SEMA3C: variants seen among roughly 807,000 people sequenced by gnomAD.
SEMA3C encodes the protein semaphorin-3C.
A neutral mutation model predicts 89.4 loss-of-function variants in SEMA3C; 47 were observed. The ratio of observed to expected loss-of-function variants is 0.53; its 90% CI spans 0.42 to 0.67. The LOEUF (loss-of-function observed/expected upper bound fraction) is 0.67, where lower values mean the gene tolerates loss of function less well. SEMA3C is among the 30% of genes least tolerant of loss of function. The pLI, the probability that SEMA3C is intolerant of heterozygous loss-of-function variation, is 0.00. For synonymous variants in SEMA3C, 310 were observed against 320.2 expected, an observed-to-expected ratio of 0.97 and a Z score of 0.34; for missense variants, 839 against 929.1, an observed-to-expected ratio of 0.90 and a Z score of 1.26.
At chr7:80,904,641 A>T (rs1562978799) in intron 2 of SEMA3C, among the ~76,000 whole-genome samples, 1 of 152,194 alleles carries the variant, frequency 6.6e-6, no homozygotes, top group African/African-American at 2.4e-5. Context: ...CACTAGATTG[A>T]ATAGTGTTCT....
At chr7:80,893,532 C>T (rs1336481045) in intron 2 of SEMA3C, among the ~76,000 whole-genome samples, 1 of 152,002 alleles carries the variant, frequency 6.6e-6, no homozygotes, top group African/African-American at 2.4e-5. Context: ...TCATCATCTC[C>T]TTATGGGATT....
rs77165677 is a variant in SEMA3C, at chr7:80,756,223, G to A, written c.1643+2108C>T. On this transcript the variant is annotated intron_variant, in intron 15 of 17. Coordinates refer to ENST00000265361, the MANE Select transcript of SEMA3C (RefSeq NM_006379.5). ...AAGTGACATCTACATAAATCCTAAT[G>A]TTCAGTTCTGACAACTTGGATCATT... is the stretch of plus-strand genomic sequence containing the variant. 0.018 allele frequency among the ~76,000 whole-genome samples: 2,707 copies of A among 152,172 alleles called. 235 individuals carry two copies. The East Asian group carries it at 0.26, about 14-fold the overall frequency.
chr7:80,820,335 C>T (rs1361199567), intron 4 of SEMA3C, among the ~76,000 whole-genome samples: 2 of 152,068 alleles, frequency 1.3e-5, no homozygotes, highest in African/African-American at 2.4e-5. Flanking sequence ...GCTGGGATTA[C>T]AGGTGTGAGC....
intron 5 of SEMA3C, chr7:80,815,972 C>A (rs939366245): frequency 1.3e-5 from 2 of 152,192 alleles, no homozygotes; most frequent in Admixed American, 6.5e-5. Context: ...TTTATTCATT[C>A]ATTTAAAGTC....
intron 13 of SEMA3C, among the ~76,000 whole-genome samples, chr7:80,762,548 G>C (rs1391089270): frequency 1.3e-5 from 2 of 152,224 alleles, no homozygotes; most frequent in Non-Finnish European, 2.9e-5. Flanking sequence ...GTGGGGTGCA[G>C]TGGCTCACGC....
chr7:80,921,606 A>AG (rs1413346519), upstream of SEMA3C, among the ~76,000 whole-genome samples: 2 of 152,212 alleles, frequency 1.3e-5, no homozygotes, highest in Admixed American at 6.5e-5. Flanking sequence ...GTTTTCGGTA[A>AG]GGGGGACACT....
intron 2 of SEMA3C, among the ~76,000 whole-genome samples, chr7:80,865,278 A>C (rs1478018484): frequency 2.0e-5 from 3 of 152,194 alleles, no homozygotes; most frequent in South Asian, 2.1e-4. Context: ...CTTTTTTTTA[A>C]AGCTTCACTC....
chr7:80,746,375 ATT>A (rs1787799769), intron 17 of SEMA3C, among the ~76,000 whole-genome samples: 1 of 152,130 alleles, frequency 6.6e-6, no homozygotes, highest in Non-Finnish European at 1.5e-5. Flanking sequence ...ACATTAATTA[ATT>A]TTACTAAGTT....
At chr7:80,869,323 A>C (rs865785338) in intron 2 of SEMA3C, among the ~76,000 whole-genome samples, 5 of 152,226 alleles carry the variant, frequency 3.3e-5, no homozygotes, top group Admixed American at 6.5e-5. Context: ...TCTCATTACA[A>C]GACAAGCAGG....
In SEMA3C at chr7:80,802,627, T is replaced by C. The variant is rs1175223077; in HGVS notation, c.916+38A>G. Reference sequence around the variant, plus strand: ...TTTAAATATATAAACTTTACAAGCCTTCTTTCAGAAGCATTTTTCAATCTC... The same window carrying C: ...TTTAAATATATAAACTTTACAAGCCCTCTTTCAGAAGCATTTTTCAATCTC... On this transcript the variant is annotated intron_variant, in intron 9 of 17. Transcript: ENST00000265361. 4.3e-6 allele frequency: 6 copies of C among 1,401,572 alleles called. No individual in the cohort carries two copies. In the South Asian group the frequency reaches 7.1e-5, roughly 17 times the overall value. 86.8% of individuals were successfully genotyped at this position (1,401,572 alleles called of 1,614,324 possible).
chr7:80,802,842 T>C lies in SEMA3C; in HGVS notation c.802-63A>G, dbSNP rs969862756. 1.3e-5 allele frequency: 16 copies of C among 1,257,790 alleles called. No homozygotes were observed. The African/African-American group carries it at 2.4e-4, about 18-fold the overall frequency. 77.9% of individuals were successfully genotyped at this position (1,257,790 alleles called of 1,614,324 possible). A position where few individuals can be genotyped will look rare whatever the true frequency, so the allele number is the denominator to read the frequency against. Reference sequence around the variant, plus strand: ...GTAAATATTGAAGCACATTAAAAATTCGACTTGTACTCTAGTTGCTTGGAG... The same window carrying C: ...GTAAATATTGAAGCACATTAAAAATCCGACTTGTACTCTAGTTGCTTGGAG... On this transcript the variant is annotated intron_variant, in intron 8 of 17. Transcript: ENST00000265361.
chr7:80,759,428 C>T (rs1327514429), intron 14 of SEMA3C, among the ~76,000 whole-genome samples: 1 of 152,152 alleles, frequency 6.6e-6, no homozygotes, highest in Non-Finnish European at 1.5e-5. Context: ...ACTCTGGAAC[C>T]AGACTTCCTA....
chr7:80,795,132 T>C (rs1355233260), intron 11 of SEMA3C, among the ~76,000 whole-genome samples: 1 of 152,154 alleles, frequency 6.6e-6, no homozygotes, highest in Non-Finnish European at 1.5e-5. Flanking sequence ...ATTCTTAACC[T>C]TAGAGAAGAG....
In SEMA3C at chr7:80,818,305, TCTC is replaced by T. The variant is rs770941056; in HGVS notation, c.438_440del (p.Arg147del). ...GTTAAATAGTTATACTTACCTCTGA[TCTC>T]CTCCCTCTGTTCAAGTAAGTACAGA... On this transcript the variant is annotated inframe_deletion, in exon 5 of 18. Coordinates refer to ENST00000265361, the MANE Select transcript of SEMA3C (RefSeq NM_006379.5). 2 of 1,606,058 alleles carry T rather than the reference TCTC, an allele frequency of 1.2e-6. No homozygotes were observed. Among genetic ancestry groups the T allele is most frequent in the Admixed American group, 1.7e-5 (1 of 59,906 alleles).
chr7:80,864,274 CT>C (rs954446904), intron 2 of SEMA3C, among the ~76,000 whole-genome samples: 2 of 152,004 alleles, frequency 1.3e-5, no homozygotes, highest in African/African-American at 4.8e-5. Context: ...GGATAAAAGA[CT>C]GCAAGTATGG....
At position 80,828,757 on chromosome 7, in the gene SEMA3C, AACAGCACAAGTGTAGAT is replaced by A. The variant is rs761482011; in HGVS notation, c.104-29_104-13del. On this transcript the variant is annotated splice_polypyrimidine_tract_variant and intron_variant, in intron 2 of 17. Coordinates refer to ENST00000265361, the MANE Select transcript of SEMA3C (RefSeq NM_006379.5). ...GGTTTCTCGAAGTTCTGAAAGAGTG[AACAGCACAAGTGTAGAT>A]ACAGTATCCTGGTTCTATAATTCTA... The A allele has an allele frequency of 2.5e-6, 4 of 1,600,096 alleles. No individual in the cohort carries two copies. Among genetic ancestry groups the A allele is most frequent in the Non-Finnish European group, 3.4e-6 (4 of 1,170,868 alleles).
intron 1 of SEMA3C, 23 bp downstream of exon 1, chr7:80,918,805 G>A (rs1792339714): frequency 1.0e-6 from 1 of 985,104 alleles, no homozygotes; most frequent in Non-Finnish European, 1.2e-6. Flanking sequence ...TCTGTAATGC[G>A]GAAAATGACC....
chr7:80,753,646 T>A (rs772548452), intron 15 of SEMA3C, among the ~76,000 whole-genome samples: 1 of 152,222 alleles, frequency 6.6e-6, no homozygotes, highest in African/African-American at 2.4e-5. Flanking sequence ...GGCAGAGTAA[T>A]ATTGTATTGC....
chr7:80,861,688 G>GT (rs976538097), intron 2 of SEMA3C, among the ~76,000 whole-genome samples: 1 of 152,190 alleles, frequency 6.6e-6, no homozygotes, highest in South Asian at 2.1e-4. Context: ...ATATTTTTGC[G>GT]TAAGTATTCT....
Sources: allele counts gnomAD v4.1 joint callset (sites outside exome capture counted in the v4.1 genomes callset), GRCh38; gene constraint gnomAD v4.1.1; transcripts MANE v1.5; gene names NCBI Gene and HGNC (gene_info 2026-07-23, HGNC 2026-07-21).